CNTN5: variants seen among roughly 807,000 people sequenced by gnomAD.
The protein encoded by CNTN5 is contactin-5.
In CNTN5, 77 loss-of-function variants were observed where a neutral mutation model predicts 129.1. The ratio of observed to expected loss-of-function variants is 0.60; its 90% CI spans 0.50 to 0.72. The LOEUF is 0.72. Ranked by LOEUF, CNTN5 falls within the 30% of genes least tolerant of loss-of-function variation. The pLI is 0.00. For synonymous variants in CNTN5, 509 were observed against 465.6 expected, an observed-to-expected ratio of 1.09 and a Z score of -1.20; for missense variants, 1,478 against 1,328.8, an observed-to-expected ratio of 1.11 and a Z score of -1.75.
intron 1 of CNTN5, among the ~76,000 whole-genome samples, chr11:99,129,343 G>T (rs1035862252): frequency 6.6e-6 from 1 of 152,124 alleles, no homozygotes; most frequent in African/African-American, 2.4e-5. Context: ...CCAGGCAGAA[G>T]AGAGACTATC....
At chr11:99,565,988 A>C (rs1948993332) in intron 3 of CNTN5, among the ~76,000 whole-genome samples, 1 of 152,342 alleles carries the variant, frequency 6.6e-6, no homozygotes, top group South Asian at 2.1e-4. Context: ...TAGCTTTATG[A>C]AGGCAGATAA....
intron 3 of CNTN5, among the ~76,000 whole-genome samples, chr11:99,565,009 G>A (rs995543621): frequency 1.3e-5 from 2 of 151,980 alleles, no homozygotes; most frequent in African/African-American, 4.8e-5. Context: ...TTCTTTATAA[G>A]TATTTAACAT....
chr11:99,627,542 T>A (rs1951175908), intron 3 of CNTN5, among the ~76,000 whole-genome samples: 2 of 152,146 alleles, frequency 1.3e-5, no homozygotes, highest in Admixed American at 1.3e-4. Context: ...ACTTCAAGGT[T>A]ATCATGTAGA....
chr11:99,133,615 CAAGAAA>C (rs1859062942), intron 1 of CNTN5, among the ~76,000 whole-genome samples: 1 of 105,998 alleles, frequency 9.4e-6, no homozygotes, highest in Admixed American at 9.8e-5. Flanking sequence ...AGACACTTCT[CAAGAAA>C]AAAAAAAGAC....
At chr11:99,195,411 G>A (rs932205919) in intron 1 of CNTN5, among the ~76,000 whole-genome samples, 2 of 152,070 alleles carry the variant, frequency 1.3e-5, no homozygotes, top group Admixed American at 1.3e-4. Context: ...AGAGGATATG[G>A]CGTCCTCTTT....
intron 7 of CNTN5, among the ~76,000 whole-genome samples, chr11:99,952,945 G>T (rs1950711889): frequency 6.6e-6 from 1 of 152,122 alleles, no homozygotes; most frequent in Admixed American, 6.6e-5. Flanking sequence ...TATTAATTGA[G>T]TCATTCAACA....
chr11:99,385,200 T>C (rs1227633453), intron 2 of CNTN5, among the ~76,000 whole-genome samples: 1 of 152,198 alleles, frequency 6.6e-6, no homozygotes, highest in East Asian at 1.9e-4. Context: ...ATACAAATAT[T>C]GTTAACTTTA....
intron 3 of CNTN5, among the ~76,000 whole-genome samples, chr11:99,624,829 A>C (rs1309348602): frequency 6.6e-6 from 1 of 152,170 alleles, no homozygotes; most frequent in Non-Finnish European, 1.5e-5. Flanking sequence ...GCTTCTGCAA[A>C]TACAGGCCAT....
Position 100,074,132 on chromosome 11 carries a change from C to T in CNTN5, c.1430-12C>T. 1 of 1,603,738 alleles carries T rather than the reference C, an allele frequency of 6.2e-7. No homozygotes were observed. The highest frequency in any genetic ancestry group is 8.5e-7 in the Non-Finnish European group (1 of 1,176,390). ...TGCTTCTGGTAGAAACTAACATTTG[C>T]TTTTTTAATAGCTTCAGCTCCCACT... On this transcript the variant is annotated splice_polypyrimidine_tract_variant and intron_variant, in intron 12 of 24. Transcript: ENST00000524871.
chr11:99,636,773 G>A (rs1951571586), intron 3 of CNTN5, among the ~76,000 whole-genome samples: 1 of 97,008 alleles, frequency 1.0e-5, no homozygotes, highest in South Asian at 3.0e-4. Context: ...TCAGCACTTT[G>A]GGAGGCCAAG....
At chr11:100,136,262 C>T (rs1051768438) in intron 13 of CNTN5, among the ~76,000 whole-genome samples, 1 of 145,546 alleles carries the variant, frequency 6.9e-6, no homozygotes, top group Non-Finnish European at 1.5e-5. Context: ...CTATTTCAAT[C>T]TTCTGTTCAA....
At chr11:99,884,742 T>C (rs532888563) in intron 6 of CNTN5, among the ~76,000 whole-genome samples, 35 of 152,278 alleles carry the variant, frequency 2.3e-4, no homozygotes, top group African/African-American at 8.4e-4. Flanking sequence ...TTTGGGAGGT[T>C]GAGGCAGGTG....
chr11:99,254,185 A>G (rs1382763814), intron 1 of CNTN5, among the ~76,000 whole-genome samples: 3 of 151,848 alleles, frequency 2.0e-5, no homozygotes, highest in African/African-American at 7.2e-5. Context: ...GTTGAACGTT[A>G]CTTAATGGAG....
Position 100,024,454 on chromosome 11 carries a change from T to C in CNTN5, c.980+22318T>C, listed in dbSNP as rs189729403. Among the ~76,000 whole-genome samples the C allele has an allele frequency of 2.1e-3, 314 of 151,974 alleles. 2 individuals carry two copies. The highest frequency in any genetic ancestry group is 7.3e-3 in the African/African-American group (302 of 41,286). On this transcript the variant is annotated intron_variant, in intron 9 of 24. Coordinates refer to ENST00000524871, the MANE Select transcript of CNTN5 (RefSeq NM_014361.4). ...TGGGAGTGGGGCACTGCTATAATGA[T>C]ACCCAAAAATGTGGAAGCAACTTTG... is the stretch of plus-strand genomic sequence containing the variant.
intron 2 of CNTN5, among the ~76,000 whole-genome samples, chr11:99,553,462 CTA>C (rs1239808731): frequency 2.4e-4 from 37 of 151,980 alleles, no homozygotes; most frequent in African/African-American, 8.7e-4. Flanking sequence ...CATCGGATAA[CTA>C]TGTTTTCAAA....
intron 1 of CNTN5, among the ~76,000 whole-genome samples, chr11:99,211,543 C>A (rs1451573222): frequency 6.8e-6 from 1 of 146,822 alleles, no homozygotes; most frequent in African/African-American, 2.6e-5. Context: ...TTTTTCTCCT[C>A]CTTTTTTTTT....
intron 9 of CNTN5, among the ~76,000 whole-genome samples, chr11:100,015,656 ATTG>A (rs1375358476): frequency 6.6e-6 from 1 of 152,110 alleles, no homozygotes; most frequent in Admixed American, 6.6e-5. Context: ...AACTAATTTT[ATTG>A]TTGTGATTGT....
chr11:99,381,812 A>G (rs996535894), intron 2 of CNTN5, among the ~76,000 whole-genome samples: 1 of 152,182 alleles, frequency 6.6e-6, no homozygotes, highest in Non-Finnish European at 1.5e-5. Context: ...TTCAGGTCCA[A>G]CATGTTAGAA....
At chr11:99,941,571 A>AACACACACAC (rs71305315) in intron 7 of CNTN5, among the ~76,000 whole-genome samples, 11 of 148,270 alleles carry the variant, frequency 7.4e-5, no homozygotes, top group African/African-American at 2.3e-4. Flanking sequence ...ACATAAGACA[A>AACACACACAC]ACACACACAC....
Sources: gnomAD v4.1 joint callset for allele counts (sites outside exome capture counted in the v4.1 genomes callset) on GRCh38, gnomAD v4.1.1 for gene constraint, MANE v1.5 for transcripts, NCBI Gene and HGNC (gene_info 2026-07-23, HGNC 2026-07-21) for gene names.